Variants in MCF2L2 observed in about 807,000 individuals in gnomAD.
MCF2L2 encodes probable guanine nucleotide exchange factor MCF2L2.
MCF2L2 carries 102 observed loss-of-function variants against 150.2 expected under a neutral mutation model. That is an observed-to-expected ratio of 0.68 (90% CI 0.58 to 0.80). MCF2L2 has a LOEUF of 0.80. MCF2L2 is among the 30% of genes least tolerant of loss of function. The probability of loss-of-function intolerance (pLI) is 0.00; values close to 1 mark genes in which losing one functional copy is unlikely to be tolerated. For missense variants in MCF2L2, 1,256 were observed against 1,372.8 expected, an observed-to-expected ratio of 0.91 and a Z score of 1.34; for synonymous variants, 465 against 491.3, an observed-to-expected ratio of 0.95 and a Z score of 0.71.
At chr3:183,242,465 G>C (rs993673464) in intron 15 of MCF2L2, among the ~76,000 whole-genome samples, 6 of 152,224 alleles carry the variant, frequency 3.9e-5, no homozygotes, top group Non-Finnish European at 5.9e-5. Context: ...CATGCCAGTT[G>C]CTCCAGCCAT....
chr3:183,387,264 CAAAA>C (rs112807324), intron 2 of MCF2L2, among the ~76,000 whole-genome samples: 1 of 84,414 alleles, frequency 1.2e-5, no homozygotes, highest in Non-Finnish European at 2.6e-5. Context: ...CACCATGTCT[CAAAA>C]AAAAAAAAAA....
At chr3:183,243,483 A>T (rs962761969) in intron 15 of MCF2L2, among the ~76,000 whole-genome samples, 12 of 152,156 alleles carry the variant, frequency 7.9e-5, no homozygotes, top group Non-Finnish European at 1.0e-4. Flanking sequence ...CTCTTTCTCT[A>T]CAAGAGATAA....
chr3:183,275,749 G>A (rs1353282440), intron 15 of MCF2L2, among the ~76,000 whole-genome samples: 1 of 152,126 alleles, frequency 6.6e-6, no homozygotes, highest in African/African-American at 2.4e-5. Context: ...GAGTAACTGA[G>A]ACTACAGGTG....
At chr3:183,263,699 T>C (rs1342345283) in intron 15 of MCF2L2, among the ~76,000 whole-genome samples, 4 of 152,214 alleles carry the variant, frequency 2.6e-5, no homozygotes, top group Admixed American at 2.6e-4. Flanking sequence ...CCTGGACATC[T>C]GTACCTTCTT....
chr3:183,377,611 C>A (rs1410867752), intron 3 of MCF2L2: 1 of 152,092 alleles, frequency 6.6e-6, no homozygotes, highest in Non-Finnish European at 1.5e-5. Flanking sequence ...CTGGGAGAGG[C>A]AGAAATAATT....
At chr3:183,224,056 T>A (rs185143545) in intron 19 of MCF2L2, 42 bp downstream of exon 19, 2 of 1,463,162 alleles carry the variant, frequency 1.4e-6, no homozygotes, top group Non-Finnish European at 1.9e-6. Context: ...ACTTGATGCA[T>A]AGAAACATTT....
rs559706896 is a variant in MCF2L2 at position 183,365,135 on chromosome 3, A to G, written c.275+14162T>C. On this transcript the variant is annotated intron_variant, in intron 3 of 29. Transcript: ENST00000328913. Reference sequence around the variant, plus strand: ...AACAAGAGATCAAAAACTTAACAATAAAAGTACAAAACTATGTCAGAAAAA... The same window carrying G: ...AACAAGAGATCAAAAACTTAACAATGAAAGTACAAAACTATGTCAGAAAAA... Among the ~76,000 whole-genome samples, 6 of 152,364 alleles carry G rather than the reference A, an allele frequency of 3.9e-5. No homozygotes were observed. In the South Asian group the frequency reaches 1.0e-3, roughly 26 times the overall value.
intron 3 of MCF2L2, among the ~76,000 whole-genome samples, chr3:183,342,911 C>G (rs1201963551): frequency 1.3e-5 from 2 of 152,068 alleles, no homozygotes; most frequent in Non-Finnish European, 1.5e-5. Flanking sequence ...GGCAGAAGGT[C>G]TAAGCAAAAC....
intron 6 of MCF2L2, 103 bp from the exon 7 acceptor site, chr3:183,318,320 T>TCAC (rs1203690514): frequency 7.6e-7 from 1 of 1,315,958 alleles, no homozygotes; most frequent in Non-Finnish European, 1.1e-6. Flanking sequence ...TAGTGAATAA[T>TCAC]CACCTCACCT....
intron 1 of MCF2L2, among the ~76,000 whole-genome samples, chr3:183,395,156 G>C (rs1224855308): frequency 2.0e-5 from 3 of 152,136 alleles, no homozygotes; most frequent in Non-Finnish European, 2.9e-5. Flanking sequence ...TCCTATATCT[G>C]AAAATGTATC....
Position 183,270,828 on chromosome 3 carries a change from A to G in MCF2L2, c.1862+6044T>C. 6.2e-7 allele frequency: 1 copy of G among 1,613,780 alleles called. No individual in the cohort carries two copies. Among genetic ancestry groups the G allele is most frequent in the Non-Finnish European group, 8.5e-7 (1 of 1,179,848 alleles). ...TGCTACAGATCCTAAAGTAAAAACCATTTCCAAAGGTTTTTTTGGTCAAAT... is the reference window on the plus strand; with the variant it reads ...TGCTACAGATCCTAAAGTAAAAACCGTTTCCAAAGGTTTTTTTGGTCAAAT... On this transcript the variant is annotated intron_variant, in intron 15 of 29. Transcript: ENST00000328913. The surrounding 1 kb of genome is among the most constrained non-coding windows in gnomAD (Gnocchi z 4.5).
Position 183,294,754 on chromosome 3 carries a change from G to A in MCF2L2, c.1675+546C>T, listed in dbSNP as rs566620156. On this transcript the variant is annotated intron_variant, in intron 13 of 29. Coordinates refer to ENST00000328913, the MANE Select transcript of MCF2L2 (RefSeq NM_015078.4). ...CGCCATTCTCCTGCCTCAGCCTCCCGAGTAGCTGGGACTACAGGTGCCCAC... is the reference window on the plus strand; with the variant it reads ...CGCCATTCTCCTGCCTCAGCCTCCCAAGTAGCTGGGACTACAGGTGCCCAC... 7.3e-5 allele frequency among the ~76,000 whole-genome samples: 11 copies of A among 151,348 alleles called. No homozygotes were observed. In the East Asian group the frequency reaches 1.2e-3, roughly 16 times the overall value.
At chr3:183,297,291 G>C in intron 11 of MCF2L2, 124 bp from the exon 12 acceptor site, 1 of 866,594 alleles carries the variant, frequency 1.2e-6, no homozygotes, top group Admixed American at 2.6e-5. Flanking sequence ...AAATTGTCAT[G>C]GGACGGCATC....
intron 4 of MCF2L2, 111 bp downstream of exon 4, chr3:183,341,429 T>C (rs1730690571): frequency 2.4e-6 from 2 of 831,760 alleles, no homozygotes; most frequent in East Asian, 2.7e-5. Context: ...ACAAAGACCT[T>C]CCCAAAATTT....
At chr3:183,211,842 A>G (rs933673994) in intron 22 of MCF2L2, among the ~76,000 whole-genome samples, 1 of 152,148 alleles carries the variant, frequency 6.6e-6, no homozygotes, top group Non-Finnish European at 1.5e-5. Flanking sequence ...GATTTATCCA[A>G]GGAGTTCATT....
chr3:183,401,563 C>T (rs545706853), intron 1 of MCF2L2, among the ~76,000 whole-genome samples: 1 of 152,300 alleles, frequency 6.6e-6, no homozygotes, highest in African/African-American at 2.4e-5. Flanking sequence ...AGAACATTTC[C>T]ATAACCCCAG....
chr3:183,421,605 G>A (rs1438622252), intron 1 of MCF2L2, among the ~76,000 whole-genome samples: 1 of 152,140 alleles, frequency 6.6e-6, no homozygotes, highest in Non-Finnish European at 1.5e-5. Flanking sequence ...ATTTATTGCG[G>A]CTGTACTGAA....
intron 2 of MCF2L2, among the ~76,000 whole-genome samples, chr3:183,385,700 C>T (rs1713789717): frequency 6.6e-6 from 1 of 152,316 alleles, no homozygotes; most frequent in South Asian, 2.1e-4. Context: ...CTGTGGCAAA[C>T]GTTGATTGAT....
At chr3:183,426,068 G>C (rs752887722) in intron 1 of MCF2L2, among the ~76,000 whole-genome samples, 35 of 152,188 alleles carry the variant, frequency 2.3e-4, no homozygotes, top group Non-Finnish European at 4.4e-4. Flanking sequence ...TAAGTATGAG[G>C]AGACAGAATC....
Sources: gnomAD v4.1 joint callset for allele counts (sites outside exome capture counted in the v4.1 genomes callset) on GRCh38, gnomAD v4.1.1 for gene constraint, Gnocchi (gnomAD v3.1) non-coding constraint, MANE v1.5 for transcripts, NCBI Gene and HGNC (gene_info 2026-07-23, HGNC 2026-07-21) for gene names.